PCDH9: variants seen among roughly 807,000 people sequenced by gnomAD.
PCDH9 encodes the protein protocadherin 9.
In PCDH9, 24 loss-of-function variants were observed where a neutral mutation model predicts 70.6. The observed-to-expected ratio is 0.34, with a 90% CI of 0.25 to 0.48. The LOEUF (loss-of-function observed/expected upper bound fraction) is 0.48, where lower values mean the gene tolerates loss of function less well. Among genes scored for constraint, PCDH9 ranks in the 20% least tolerant of loss-of-function variants. The probability of loss-of-function intolerance (pLI) is 0.99; values close to 1 mark genes in which losing one functional copy is unlikely to be tolerated. For synonymous variants in PCDH9, 562 were observed against 558.5 expected, an observed-to-expected ratio of 1.01 and a Z score of -0.09; for missense variants, 1,281 against 1,503.6, an observed-to-expected ratio of 0.85 and a Z score of 2.45.
chr13:66,653,181 G>C (rs931117413), intron 3 of PCDH9, among the ~76,000 whole-genome samples: 1 of 151,996 alleles, frequency 6.6e-6, no homozygotes, highest in Non-Finnish European at 1.5e-5. Flanking sequence ...CACAGCAAAG[G>C]AAAGTCTGTT....
chr13:66,644,212 A>G (rs1566477494), intron 3 of PCDH9, among the ~76,000 whole-genome samples: 1 of 151,916 alleles, frequency 6.6e-6, no homozygotes, highest in African/African-American at 2.4e-5. Context: ...ATTAAAAGAA[A>G]TATTTTATTA....
At chr13:66,475,106 G>T (rs562319554) in intron 4 of PCDH9, among the ~76,000 whole-genome samples, 1 of 152,124 alleles carries the variant, frequency 6.6e-6, no homozygotes, top group African/African-American at 2.4e-5. Flanking sequence ...CTGAGAAAAA[G>T]GAATCACTGA....
At chr13:67,084,737 AG>A (rs892611155) in intron 2 of PCDH9, among the ~76,000 whole-genome samples, 67 of 150,738 alleles carry the variant, frequency 4.4e-4, no homozygotes, top group African/African-American at 1.1e-3. Flanking sequence ...TTGGTGGCTG[AG>A]GGGGGGGATC....
intron 4 of PCDH9, among the ~76,000 whole-genome samples, chr13:66,403,250 CCA>C (rs968993910): frequency 6.6e-5 from 10 of 152,082 alleles, no homozygotes; most frequent in African/African-American, 2.4e-4. Context: ...AGCAATCCTC[CCA>C]CCTTAGCCTC....
At chr13:67,100,865 T>C (rs1422953880) in intron 2 of PCDH9, among the ~76,000 whole-genome samples, 2 of 152,162 alleles carry the variant, frequency 1.3e-5, no homozygotes, top group Non-Finnish European at 2.9e-5. Context: ...GAAAGGGGCC[T>C]CTAAAGAAGT....
intron 3 of PCDH9, among the ~76,000 whole-genome samples, chr13:66,716,007 T>G (rs1378699988): frequency 6.6e-6 from 1 of 152,166 alleles, no homozygotes; most frequent in Admixed American, 6.5e-5. Flanking sequence ...TAGAAACCAC[T>G]CCAATTGTGG....
At chr13:66,573,503 C>G (rs1046208009) in intron 4 of PCDH9, among the ~76,000 whole-genome samples, 1 of 152,042 alleles carries the variant, frequency 6.6e-6, no homozygotes, top group African/African-American at 2.4e-5. Flanking sequence ...TTGCCTGAAC[C>G]TCCTAAATAG....
Position 66,938,143 on chromosome 13 carries a change from C to A in PCDH9, c.3037-34538G>T, listed in dbSNP as rs374873822. Among the ~76,000 whole-genome samples the A allele has an allele frequency of 7.2e-5, 11 of 152,244 alleles. No homozygotes were observed. In the East Asian group the frequency reaches 1.4e-3, roughly 19 times the overall value. On this transcript the variant is annotated intron_variant, in intron 2 of 4. Coordinates refer to ENST00000377865, the MANE Select transcript of PCDH9 (RefSeq NM_203487.3). ...TATTTTAGTCTTTCAAACTAAGAAA[C>A]CCTGGCCTTAACTCCCACAGATAAC... is the stretch of plus-strand genomic sequence containing the variant.
chr13:66,906,997 G>C (rs141104591), intron 2 of PCDH9, among the ~76,000 whole-genome samples: 1,678 of 152,150 alleles, frequency 0.011, 38 homozygotes, highest in African/African-American at 0.039. Context: ...CCTGTGGTCA[G>C]GAGTTTGAGA....
intron 2 of PCDH9, among the ~76,000 whole-genome samples, chr13:67,117,986 A>G (rs2086809641): frequency 6.6e-6 from 1 of 152,186 alleles, no homozygotes; most frequent in Admixed American, 6.5e-5. Context: ...ACAGTGTAAC[A>G]TCGCTCCATA....
intron 2 of PCDH9, among the ~76,000 whole-genome samples, chr13:66,933,132 A>G (rs2082843879): frequency 6.6e-6 from 1 of 151,896 alleles, no homozygotes; most frequent in African/African-American, 2.4e-5. Flanking sequence ...AACCAACATA[A>G]TATTTTTGCC....
intron 3 of PCDH9, among the ~76,000 whole-genome samples, chr13:66,702,385 A>G (rs2139110442): frequency 6.6e-6 from 1 of 152,312 alleles, no homozygotes; most frequent in African/African-American, 2.4e-5. Flanking sequence ...ACAAAAGCAG[A>G]CAGCAGAATG....
At chr13:66,674,333 T>TTGACTCTTCATAGTATAA (rs1230754317) in intron 3 of PCDH9, among the ~76,000 whole-genome samples, 1 of 152,112 alleles carries the variant, frequency 6.6e-6, no homozygotes, top group African/African-American at 2.4e-5. Flanking sequence ...ACATTCTGTT[T>TTGACTCTTCATAGTATAA]TGACTCTTCA....
chr13:66,375,238 C>T (rs9540731), intron 4 of PCDH9, among the ~76,000 whole-genome samples: 66,587 of 151,696 alleles, frequency 0.44, 14,984 homozygotes, highest in Non-Finnish European at 0.51. Flanking sequence ...CTAACTCTGT[C>T]CCCAAATTTC....
In PCDH9 at chr13:66,774,697, C is replaced by T. The variant is rs140087054; in HGVS notation, c.3138+128807G>A. Among the ~76,000 whole-genome samples, 227 of 152,208 alleles carry T rather than the reference C, an allele frequency of 1.5e-3. 2 individuals carry two copies. Among genetic ancestry groups the T allele is most frequent in the African/African-American group, 5.0e-3 (209 of 41,530 alleles). Reference sequence around the variant, plus strand: ...AGGTGATTTACAATACCCCAAATGACGTATTGTTATTATCACCTAAGCATT... The same window carrying T: ...AGGTGATTTACAATACCCCAAATGATGTATTGTTATTATCACCTAAGCATT... On this transcript the variant is annotated intron_variant, in intron 3 of 4. Transcript: ENST00000377865.
At chr13:66,817,482 T>A (rs2080628990) in intron 3 of PCDH9, among the ~76,000 whole-genome samples, 1 of 152,204 alleles carries the variant, frequency 6.6e-6, no homozygotes, top group Non-Finnish European at 1.5e-5. Flanking sequence ...TACATGAGCA[T>A]ATAAATACCT....
chr13:67,114,973 C>G (rs1338184648), intron 2 of PCDH9, among the ~76,000 whole-genome samples: 1 of 152,116 alleles, frequency 6.6e-6, no homozygotes, highest in Non-Finnish European at 1.5e-5. Flanking sequence ...TTTGTGTTAG[C>G]TCCTATTCAT....
At chr13:66,504,576 G>C (rs552598265) in intron 4 of PCDH9, among the ~76,000 whole-genome samples, 1 of 152,098 alleles carries the variant, frequency 6.6e-6, no homozygotes, top group African/African-American at 2.4e-5. Flanking sequence ...GTTCTGAGTG[G>C]TTTGTTACAT....
At chr13:66,660,768 C>T (rs753619872) in intron 3 of PCDH9, among the ~76,000 whole-genome samples, 50 of 145,772 alleles carry the variant, frequency 3.4e-4, no homozygotes, top group Admixed American at 9.5e-4. Flanking sequence ...GTTTAAATAT[C>T]ATATTTAACA....
Sources: allele counts gnomAD v4.1 joint callset (sites outside exome capture counted in the v4.1 genomes callset), GRCh38; gene constraint gnomAD v4.1.1; transcripts MANE v1.5; gene names NCBI Gene and HGNC (gene_info 2026-07-23, HGNC 2026-07-21).